Variants in DNAH8 observed in about 807,000 individuals in gnomAD.
The protein encoded by DNAH8 is dynein axonemal heavy chain 8, also known as axonemal beta dynein heavy chain 8.
A neutral mutation model predicts 562.1 loss-of-function variants in DNAH8; 382 were observed. That is an observed-to-expected ratio of 0.68 (90% CI 0.63 to 0.74). The LOEUF (loss-of-function observed/expected upper bound fraction) is 0.74, where lower values mean the gene tolerates loss of function less well. Ranked by LOEUF, DNAH8 falls within the 30% of genes least tolerant of loss-of-function variation. The pLI, the probability that DNAH8 is intolerant of heterozygous loss-of-function variation, is 0.00. For missense variants in DNAH8, 5,203 were observed against 5,620.4 expected (o/e 0.93, Z 2.37); for synonymous variants, 1,881 against 1,919.4 (o/e 0.98, Z 0.52).
At chr6:38,838,620 C>T (rs543670457) in intron 33 of DNAH8, among the ~76,000 whole-genome samples, 42 of 150,586 alleles carry the variant, frequency 2.8e-4, no homozygotes, top group Non-Finnish European at 5.0e-4. Flanking sequence ...AGGATGGTCT[C>T]GATCTCCTGA....
At chr6:38,945,215 G>A (rs1315102567) in intron 79 of DNAH8, among the ~76,000 whole-genome samples, 2 of 152,086 alleles carry the variant, frequency 1.3e-5, no homozygotes, top group African/African-American at 4.8e-5. Flanking sequence ...AATCACTTGA[G>A]AAAAATTCTT....
intron 21 of DNAH8, among the ~76,000 whole-genome samples, chr6:38,800,140 C>T (rs564429650): frequency 1.3e-5 from 2 of 152,016 alleles, no homozygotes; most frequent in South Asian, 2.1e-4. Context: ...TATCCATTCA[C>T]CAGTTGATGG....
chr6:38,847,787 G>A (rs1775414489), intron 36 of DNAH8, among the ~76,000 whole-genome samples: 1 of 152,162 alleles, frequency 6.6e-6, no homozygotes, highest in African/African-American at 2.4e-5. Context: ...CTAACTGTAG[G>A]TAGTTGGGGT....
chr6:38,721,144 T>G (rs1258408012), intron 1 of DNAH8, among the ~76,000 whole-genome samples: 1 of 152,038 alleles, frequency 6.6e-6, no homozygotes, highest in Non-Finnish European at 1.5e-5. Context: ...AAACCCTGTC[T>G]CTAAAAATAA....
At chr6:38,784,051 G>C (rs1768907203) in intron 17 of DNAH8, among the ~76,000 whole-genome samples, 1 of 152,144 alleles carries the variant, frequency 6.6e-6, no homozygotes. Context: ...TTATTTACAG[G>C]CCATTGATTC....
rs868193414 is a variant in DNAH8, at chr6:38,866,688, G to C, written c.6585+11G>C. ...GTTCCTGATAGACAGGTATGCACTAGGATTTAAAAGCATAATGTGCTTTAT... is the reference window on the plus strand; with the variant it reads ...GTTCCTGATAGACAGGTATGCACTACGATTTAAAAGCATAATGTGCTTTAT... On this transcript the variant is annotated intron_variant, in intron 46 of 92. Coordinates refer to ENST00000327475, the MANE Select transcript of DNAH8 (RefSeq NM_001206927.2). The C allele has an allele frequency of 1.2e-5, 20 of 1,607,514 alleles. No individual in the cohort carries two copies. In the Middle Eastern group the frequency reaches 3.3e-3, roughly 266 times the overall value.
At chr6:38,763,314 A>G (rs1766699424) in intron 11 of DNAH8, 1 of 229,480 alleles carries the variant, frequency 4.4e-6, no homozygotes, top group Admixed American at 5.3e-5. Context: ...TGAATTCATC[A>G]TTTTATTCCT....
At chr6:38,872,246 C>T (rs1777527018) in intron 49 of DNAH8, among the ~76,000 whole-genome samples, 1 of 152,090 alleles carries the variant, frequency 6.6e-6, no homozygotes, top group Non-Finnish European at 1.5e-5. Flanking sequence ...ACCAACAAGC[C>T]AAAATCACAG....
chr6:38,919,653 C>T (rs1193815803), intron 70 of DNAH8, among the ~76,000 whole-genome samples: 3 of 151,988 alleles, frequency 2.0e-5, no homozygotes, highest in Non-Finnish European at 4.4e-5. Context: ...AAAAGAGGAC[C>T]TTGATTAAAT....
intron 73 of DNAH8, chr6:38,924,802 T>C (rs1781979669): frequency 1.3e-5 from 2 of 152,278 alleles, no homozygotes; most frequent in Non-Finnish European, 2.9e-5. Flanking sequence ...GCATGATCTG[T>C]GCTGGTATTA....
intron 89 of DNAH8, among the ~76,000 whole-genome samples, chr6:39,011,010 G>A (rs1359242034): frequency 6.6e-6 from 1 of 151,966 alleles, no homozygotes; most frequent in Non-Finnish European, 1.5e-5. Context: ...ACTGCGTTAG[G>A]GACCTCCACT....
chr6:38,781,038 A>G (rs1768539677), intron 15 of DNAH8, among the ~76,000 whole-genome samples: 1 of 152,214 alleles, frequency 6.6e-6, no homozygotes, highest in African/African-American at 2.4e-5. Context: ...TACATGTAAT[A>G]GGAAATAAAG....
At position 38,990,125 on chromosome 6, in the gene DNAH8, C is replaced by T; in HGVS notation, c.13167C>T (p.Ser4389=). ...TTGAATACATCCAGTCACTGCCATC[C>T]CTAGATAACCCTGAAGTCTTTGGGC... ...QYFEYIQSLP[S]LDNPEVFGLH... is the part of the protein sequence containing the mutation. Residue 4389 remains serine (S), a synonymous_variant, in exon 88 of 93, where the codon TCC becomes TCT. Transcript: ENST00000327475. 3 of 1,610,648 alleles carry T rather than the reference C, an allele frequency of 1.9e-6. No homozygotes were observed. The highest frequency in any genetic ancestry group is 2.5e-6 in the Non-Finnish European group (3 of 1,176,980).
At chr6:38,749,486 A>G (rs922193452) in intron 8 of DNAH8, among the ~76,000 whole-genome samples, 2 of 151,446 alleles carry the variant, frequency 1.3e-5, no homozygotes, top group African/African-American at 2.4e-5. Context: ...GCACATATAT[A>G]CTATGTAACA....
chr6:39,005,396 T>C lies in DNAH8; in HGVS notation c.13215-3418T>C, dbSNP rs143989174. Reference sequence around the variant, plus strand: ...TCCAGCCTGGGCGACAGAGTAAGACTCTGTCTCAAAAACAAAACAAAACAA... The same window carrying C: ...TCCAGCCTGGGCGACAGAGTAAGACCCTGTCTCAAAAACAAAACAAAACAA... On this transcript the variant is annotated intron_variant, in intron 88 of 92. Transcript: ENST00000327475. Among the ~76,000 whole-genome samples the C allele has an allele frequency of 1.5e-3, 231 of 152,242 alleles. 1 individual carries two copies. Among genetic ancestry groups the C allele is most frequent in the African/African-American group, 5.4e-3 (223 of 41,538 alleles).
chr6:38,715,685 T>A (rs1022709116), intron 1 of DNAH8, among the ~76,000 whole-genome samples: 1 of 150,880 alleles, frequency 6.6e-6, no homozygotes, highest in Admixed American at 6.6e-5. Flanking sequence ...CCGCACGTTC[T>A]CACCTATGAG....
Position 38,830,137 on chromosome 6 carries a change from C to T in DNAH8, c.4188+1849C>T, listed in dbSNP as rs924987298. On this transcript the variant is annotated intron_variant, in intron 30 of 92. Transcript: ENST00000327475. ...ATTTTCTCTATTGTTTTTCTATTCT[C>T]TCTACCATTTATTTGTGCTCTAGTT... Among the ~76,000 whole-genome samples the T allele has an allele frequency of 8.5e-5, 13 of 152,084 alleles. 1 individual carries two copies. The highest frequency in any genetic ancestry group is 7.2e-4 in the Admixed American group (11 of 15,252).
chr6:39,013,956 C>A (rs1246186366), intron 91 of DNAH8, among the ~76,000 whole-genome samples: 1 of 152,122 alleles, frequency 6.6e-6, no homozygotes, highest in Admixed American at 6.5e-5. Flanking sequence ...GGTTATGTGG[C>A]TGAATTCCCT....
chr6:38,985,916 G>A (rs563035303), intron 87 of DNAH8, among the ~76,000 whole-genome samples: 1 of 152,310 alleles, frequency 6.6e-6, no homozygotes, highest in African/African-American at 2.4e-5. Flanking sequence ...CAGCGGTGGG[G>A]AGTGAGTACC....
Sources: allele counts gnomAD v4.1 joint callset (sites outside exome capture counted in the v4.1 genomes callset), GRCh38; gene constraint gnomAD v4.1.1; transcripts MANE v1.5; gene names NCBI Gene and HGNC (gene_info 2026-07-23, HGNC 2026-07-21).